The following MBNL2 variants were observed in gnomAD, a reference collection of about 807,000 sequenced individuals.
The protein encoded by MBNL2 is muscleblind-like protein 2.
A neutral mutation model predicts 41.9 loss-of-function variants in MBNL2; 17 were observed. The observed-to-expected ratio is 0.41, with a 90% CI of 0.28 to 0.61. The LOEUF is 0.61. Among genes scored for constraint, MBNL2 ranks in the 20% least tolerant of loss-of-function variants. MBNL2 has a pLI of 0.35. For missense variants in MBNL2, 336 were observed against 505.6 expected (o/e 0.66, Z 3.22); for synonymous variants, 195 against 182.9 (o/e 1.07, Z -0.53).
At chr13:97,147,399 A>G in the MBNL2 span, among the ~76,000 whole-genome samples, 1 of 152,164 alleles carries the variant, frequency 6.6e-6, no homozygotes, top group Non-Finnish European at 1.5e-5. Context: ...CCCACCAAGC[A>G]CTGTAACTTT....
chr13:97,332,094 T>G (rs950565225), intron 2 of MBNL2, among the ~76,000 whole-genome samples: 2 of 152,204 alleles, frequency 1.3e-5, no homozygotes, highest in African/African-American at 4.8e-5. Flanking sequence ...TCCATCCTCA[T>G]TTTCTGGAAT....
the MBNL2 span, among the ~76,000 whole-genome samples, chr13:97,188,495 G>A: frequency 0.074 from 11,239 of 152,050 alleles, 691 homozygotes; most frequent in African/African-American, 0.17. Flanking sequence ...CACACATATT[G>A]AAATATGCAT....
At chr13:97,168,725 T>C in the MBNL2 span, among the ~76,000 whole-genome samples, 1 of 152,222 alleles carries the variant, frequency 6.6e-6, no homozygotes, top group Non-Finnish European at 1.5e-5. Context: ...TCACTCAGGG[T>C]CCCAATTTTC....
At chr13:97,369,829 T>C (rs1294841880) in intron 8 of MBNL2, among the ~76,000 whole-genome samples, 2 of 152,180 alleles carry the variant, frequency 1.3e-5, no homozygotes, top group Admixed American at 1.3e-4. Flanking sequence ...TTGGGAAATA[T>C]AAAATGTTTT....
intron 2 of MBNL2, among the ~76,000 whole-genome samples, chr13:97,309,696 G>A (rs1162933173): frequency 6.6e-6 from 1 of 152,164 alleles, no homozygotes; most frequent in Non-Finnish European, 1.5e-5. Flanking sequence ...AAATAATGTG[G>A]GCCTCTCAGA....
chr13:97,338,921 A>G (rs2153073431), intron 3 of MBNL2, among the ~76,000 whole-genome samples: 1 of 152,230 alleles, frequency 6.6e-6, no homozygotes, highest in East Asian at 1.9e-4. Context: ...GCCATGAAAT[A>G]CCTCGGGCCA....
rs530700317 is a variant in MBNL2, at chr13:97,233,731, G to A, written c.-605+11200G>A. 2.6e-5 allele frequency among the ~76,000 whole-genome samples: 4 copies of A among 151,692 alleles called. No individual in the cohort carries two copies. The South Asian group carries it at 8.4e-4, about 32-fold the overall frequency. On this transcript the variant is annotated intron_variant, in intron 1 of 8. Transcript: ENST00000679496. ...CAAGTAGGCTGCAATTAAGAGTCAG[G>A]ATCAAAGGGACTGGCTGCCTCTGGG...
At chr13:97,331,735 A>G (rs1016961933) in intron 2 of MBNL2, among the ~76,000 whole-genome samples, 7 of 152,232 alleles carry the variant, frequency 4.6e-5, no homozygotes, top group Admixed American at 3.9e-4. Flanking sequence ...CCATATATAA[A>G]TTGCTTGGCA....
chr13:97,162,584 TCTAAAGCC>T, the MBNL2 span, among the ~76,000 whole-genome samples: 1 of 152,202 alleles, frequency 6.6e-6, no homozygotes, highest in African/African-American at 2.4e-5. Context: ...AAGAGCAGGT[TCTAAAGCC>T]CTGGGATAGA....
At chr13:97,253,400 T>A (rs974498890) in intron 1 of MBNL2, among the ~76,000 whole-genome samples, 4 of 152,222 alleles carry the variant, frequency 2.6e-5, no homozygotes, top group Non-Finnish European at 5.9e-5. Context: ...CAAATGTTCA[T>A]GGCTTGAATA....
chr13:97,205,504 T>A, the MBNL2 span, among the ~76,000 whole-genome samples: 1 of 152,246 alleles, frequency 6.6e-6, no homozygotes, highest in Non-Finnish European at 1.5e-5. Flanking sequence ...TCTTCTCTAA[T>A]GTTCCTTCTT....
chr13:97,341,240 C>T (rs1324999304), intron 3 of MBNL2, among the ~76,000 whole-genome samples: 1 of 152,200 alleles, frequency 6.6e-6, no homozygotes, highest in East Asian at 1.9e-4. Context: ...CAGCCTAGAT[C>T]TACTGGGTCA....
the MBNL2 span, among the ~76,000 whole-genome samples, chr13:97,151,294 A>G: frequency 6.6e-6 from 1 of 152,166 alleles, no homozygotes; most frequent in Non-Finnish European, 1.5e-5. Flanking sequence ...TATATTTAAA[A>G]TACAGTAAAA....
chr13:97,211,923 G>A, the MBNL2 span, among the ~76,000 whole-genome samples: 2 of 152,224 alleles, frequency 1.3e-5, no homozygotes, highest in Admixed American at 1.3e-4. Flanking sequence ...GAATGAGTTA[G>A]TGTGATGAAT....
chr13:97,177,183 C>CA, the MBNL2 span, among the ~76,000 whole-genome samples: 1 of 151,996 alleles, frequency 6.6e-6, no homozygotes, highest in Non-Finnish European at 1.5e-5. Flanking sequence ...ACTAAAAATC[C>CA]AAAAAATTAG....
At chr13:97,249,787 G>A (rs2046167539) in intron 1 of MBNL2, among the ~76,000 whole-genome samples, 2 of 152,146 alleles carry the variant, frequency 1.3e-5, no homozygotes, top group African/African-American at 4.8e-5. Context: ...AATGCAATTG[G>A]GTGTACTGTT....
the MBNL2 span, among the ~76,000 whole-genome samples, chr13:97,163,923 G>C: frequency 1.6e-3 from 245 of 152,346 alleles, 1 homozygote; most frequent in African/African-American, 5.4e-3. Flanking sequence ...GGGGCTACCA[G>C]AAGCTGGACT....
chr13:97,163,108 A>C, the MBNL2 span, among the ~76,000 whole-genome samples: 2 of 152,204 alleles, frequency 1.3e-5, no homozygotes, highest in Non-Finnish European at 2.9e-5. Flanking sequence ...GTGTGCTTAA[A>C]GGTTTGAGGG....
At chr13:97,149,945 C>T in the MBNL2 span, among the ~76,000 whole-genome samples, 403 of 152,302 alleles carry the variant, frequency 2.6e-3, 3 homozygotes, top group Non-Finnish European at 4.6e-3. Flanking sequence ...AAACACCCCC[C>T]TATATCACAC....
Sources: gnomAD v4.1 joint callset for allele counts (sites outside exome capture counted in the v4.1 genomes callset) on GRCh38, gnomAD v4.1.1 for gene constraint, MANE v1.5 for transcripts, NCBI Gene and HGNC (gene_info 2026-07-23, HGNC 2026-07-21) for gene names.